Variants in RNF38 observed in about 807,000 individuals in gnomAD.
The protein encoded by RNF38 is E3 ubiquitin-protein ligase RNF38.
A neutral mutation model predicts 67.2 loss-of-function variants in RNF38; 15 were observed. That is an observed-to-expected ratio of 0.22 (90% CI 0.15 to 0.34). The LOEUF (loss-of-function observed/expected upper bound fraction) is 0.34. Ranked by LOEUF, RNF38 falls within the 10% of genes least tolerant of loss-of-function variation. The pLI is 1.00. For missense variants in RNF38, 524 were observed against 639.9 expected, an observed-to-expected ratio of 0.82 and a Z score of 1.95; for synonymous variants, 220 against 218.8, an observed-to-expected ratio of 1.01 and a Z score of -0.05.
intron 1 of RNF38, among the ~76,000 whole-genome samples, chr9:36,427,260 A>C (rs892617652): frequency 4.6e-5 from 7 of 152,240 alleles, no homozygotes; most frequent in African/African-American, 1.7e-4. Context: ...TTAAAAGATA[A>C]AAAGGAAAAG....
At chr9:36,395,922 C>T (rs1837477693) in intron 1 of RNF38, among the ~76,000 whole-genome samples, 1 of 152,098 alleles carries the variant, frequency 6.6e-6, no homozygotes, top group African/African-American at 2.4e-5. Flanking sequence ...TATTTAAATG[C>T]TATGATCATA....
At chr9:36,457,187 T>C (rs1298337025) in intron 1 of RNF38, among the ~76,000 whole-genome samples, 2 of 150,682 alleles carry the variant, frequency 1.3e-5, no homozygotes, top group East Asian at 3.8e-4. Flanking sequence ...AGAACTAGCT[T>C]TATCACAGGT....
intron 4 of RNF38, among the ~76,000 whole-genome samples, chr9:36,365,095 G>A (rs539687741): frequency 2.0e-5 from 3 of 152,246 alleles, no homozygotes; most frequent in Admixed American, 1.3e-4. Context: ...TTCTATGGCT[G>A]TAGACAATTT....
chr9:36,426,136 TTC>T (rs1368042407), intron 1 of RNF38, among the ~76,000 whole-genome samples: 1 of 152,210 alleles, frequency 6.6e-6, no homozygotes, highest in Non-Finnish European at 1.5e-5. Flanking sequence ...GAGCAGAAAA[TTC>T]TCTTTCAGAA....
chr9:36,428,272 TG>T (rs960795407), intron 1 of RNF38, among the ~76,000 whole-genome samples: 10 of 151,660 alleles, frequency 6.6e-5, no homozygotes, highest in Non-Finnish European at 1.0e-4. Flanking sequence ...AAAAATTAGC[TG>T]GGCATGGTGG....
chr9:36,451,906 CA>C, intron 1 of RNF38, among the ~76,000 whole-genome samples: 1 of 151,930 alleles, frequency 6.6e-6, no homozygotes, highest in Non-Finnish European at 1.5e-5. Context: ...CTAATTCGAG[CA>C]AACTTTTTTA....
intron 1 of RNF38, among the ~76,000 whole-genome samples, chr9:36,474,129 C>T (rs188889120): frequency 0.014 from 2,054 of 150,812 alleles, 42 homozygotes; most frequent in African/African-American, 0.045. Flanking sequence ...CTGGCTAACA[C>T]GGTGAAACCC....
exon 1 of RNF38, chr9:36,487,405 C>T (rs1273939136): frequency 4.1e-6 from 4 of 981,886 alleles, no homozygotes; most frequent in South Asian, 9.0e-5. Flanking sequence ...CGGCGGGCTC[C>T]GGCCGGGGCG....
Position 36,481,340 on chromosome 9 carries a change from T to G in RNF38, n.241+5968A>C, listed in dbSNP as rs951320754. ...GTGATAGCTTTTGATAGCGTAACTA[T>G]TGATAAACCCCAATATACTCCCATC... is the stretch of plus-strand genomic sequence containing the variant. On this transcript the variant is annotated intron_variant and non_coding_transcript_variant, in intron 1 of 3. Transcript: ENST00000488058. 8.5e-5 allele frequency among the ~76,000 whole-genome samples: 13 copies of G among 152,152 alleles called. 1 individual carries two copies. Among genetic ancestry groups the G allele is most frequent in the Non-Finnish European group, 1.0e-4 (7 of 68,022 alleles).
intron 2 of RNF38, among the ~76,000 whole-genome samples, chr9:36,383,840 A>G (rs1205076538): frequency 6.6e-6 from 1 of 152,148 alleles, no homozygotes; most frequent in African/African-American, 2.4e-5. Context: ...CCCAAAGAAA[A>G]TAACAGTTTG....
chr9:36,451,607 T>C (rs1391519609), intron 1 of RNF38, among the ~76,000 whole-genome samples: 1 of 146,914 alleles, frequency 6.8e-6, no homozygotes, highest in Admixed American at 6.9e-5. Context: ...TTCAAGCGAT[T>C]CTCCTGCCTC....
chr9:36,391,233 T>C (rs1408660901), intron 1 of RNF38, among the ~76,000 whole-genome samples: 2 of 152,178 alleles, frequency 1.3e-5, no homozygotes, highest in Admixed American at 6.5e-5. Flanking sequence ...ATTTGGCCAA[T>C]GCAGTGGTCA....
intron 1 of RNF38, among the ~76,000 whole-genome samples, chr9:36,474,229 C>T (rs905720757): frequency 2.0e-5 from 3 of 151,120 alleles, no homozygotes; most frequent in South Asian, 2.1e-4. Flanking sequence ...AGGAGAATGG[C>T]GAGAACCTGG....
In RNF38 at chr9:36,353,067, A is replaced by G. The variant is rs960110012; in HGVS notation, c.1071+103T>C. On this transcript the variant is annotated intron_variant, in intron 7 of 11. Coordinates refer to ENST00000259605, the MANE Select transcript of RNF38 (RefSeq NM_022781.5). Reference sequence around the variant, plus strand: ...ATAACTTTCCAACTGAATGCTGTCGAGAATACATATAATTCTAAATATGGT... The same window carrying G: ...ATAACTTTCCAACTGAATGCTGTCGGGAATACATATAATTCTAAATATGGT... 4 of 1,072,470 alleles carry G rather than the reference A, an allele frequency of 3.7e-6. No individual in the cohort carries two copies. The African/African-American group carries it at 6.4e-5, about 17-fold the overall frequency. The allele number at this position is 1,072,470 out of a possible 1,614,324, so 66.4% of individuals were successfully genotyped here.
At chr9:36,351,341 C>T (rs1464137007) in intron 8 of RNF38, 142 bp from the exon 9 acceptor site, 2 of 577,544 alleles carry the variant, frequency 3.5e-6, no homozygotes, top group South Asian at 2.4e-5. Context: ...TATGCAAGAA[C>T]TGTACAATAA....
intron 1 of RNF38, among the ~76,000 whole-genome samples, chr9:36,480,576 G>T (rs1485527626): frequency 8.8e-6 from 1 of 113,524 alleles, no homozygotes; most frequent in Admixed American, 1.2e-4. Context: ...TTTTGAGACA[G>T]GGTCTCACTC....
At position 36,423,578 on chromosome 9, in the gene RNF38, G is replaced by A. The variant is rs368726449; in HGVS notation, n.312+1035C>T. Among the ~76,000 whole-genome samples the A allele has an allele frequency of 7.9e-4, 120 of 152,240 alleles. 2 individuals are homozygous for A. The South Asian group carries it at 0.023, about 29-fold the overall frequency. On this transcript the variant is annotated intron_variant and non_coding_transcript_variant, in intron 2 of 3. Coordinates refer to the RNF38 transcript ENST00000488058. ...GACTAAATTTAAGTCCATCCAGATC[G>A]GCAGCCAGATGTTCCAAACGCCCAG...
At chr9:36,485,500 C>T (rs142702149) in intron 1 of RNF38, among the ~76,000 whole-genome samples, 6 of 152,292 alleles carry the variant, frequency 3.9e-5, no homozygotes, top group South Asian at 4.1e-4. Context: ...TTTTTGCCAA[C>T]CTGATCGGTG....
chr9:36,422,714 A>C (rs2134236983), intron 2 of RNF38, among the ~76,000 whole-genome samples: 3 of 152,344 alleles, frequency 2.0e-5, no homozygotes, highest in Middle Eastern at 6.8e-3. Flanking sequence ...GAGTCGTTTC[A>C]GACAGTTCTT....
Sources: allele counts gnomAD v4.1 joint callset (sites outside exome capture counted in the v4.1 genomes callset), GRCh38; gene constraint gnomAD v4.1.1; transcripts MANE v1.5; gene names NCBI Gene and HGNC (gene_info 2026-07-23, HGNC 2026-07-21).